XKR9: variants seen among roughly 807,000 people sequenced by gnomAD.
The protein encoded by XKR9 is XK related 9.
A neutral mutation model predicts 32.0 loss-of-function variants in XKR9; 32 were observed. That is an observed-to-expected ratio of 1.00 (90% CI 0.76 to 1.34). The LOEUF (loss-of-function observed/expected upper bound fraction) is 1.34. Ranked by LOEUF, XKR9 falls within the 40% of genes most tolerant of loss-of-function variation. The pLI is 0.00. For missense variants in XKR9, 546 were observed against 429.7 expected, an observed-to-expected ratio of 1.27 and a Z score of -2.39; for synonymous variants, 168 against 143.4, an observed-to-expected ratio of 1.17 and a Z score of -1.22.
chr8:70,871,015 C>G, the XKR9 span, among the ~76,000 whole-genome samples: 1 of 152,110 alleles, frequency 6.6e-6, no homozygotes, highest in Non-Finnish European at 1.5e-5. Context: ...GTTATATTCT[C>G]CAGAATTGTA....
At chr8:70,746,788 CAGG>C (rs1049494776) in intron 2 of XKR9, among the ~76,000 whole-genome samples, 35 of 150,912 alleles carry the variant, frequency 2.3e-4, no homozygotes, top group African/African-American at 8.3e-4. Flanking sequence ...TTTTCAGATT[CAGG>C]AGTATATGTG....
intron 4 of XKR9, among the ~76,000 whole-genome samples, chr8:70,707,718 A>G (rs1805769297): frequency 6.6e-6 from 1 of 152,084 alleles, no homozygotes; most frequent in South Asian, 2.1e-4. Context: ...AAGTGGAATT[A>G]CTGGGTAAGA....
chr8:70,709,757 C>G (rs938220096), intron 4 of XKR9, among the ~76,000 whole-genome samples: 16 of 152,082 alleles, frequency 1.1e-4, no homozygotes, highest in African/African-American at 3.6e-4. Flanking sequence ...GGTGAAAGAT[C>G]TGTACAATGA....
At chr8:70,741,521 G>A (rs571014086) in intron 2 of XKR9, among the ~76,000 whole-genome samples, 4 of 152,292 alleles carry the variant, frequency 2.6e-5, no homozygotes, top group Admixed American at 6.5e-5. Flanking sequence ...GGCTTAGTTC[G>A]TTGAGCATAA....
At chr8:71,046,673 G>A in the XKR9 span, among the ~76,000 whole-genome samples, 2 of 152,134 alleles carry the variant, frequency 1.3e-5, no homozygotes. Context: ...TTTTTTCTTA[G>A]AGCAAACTGA....
chr8:71,058,850 A>G, the XKR9 span, among the ~76,000 whole-genome samples: 1 of 152,176 alleles, frequency 6.6e-6, no homozygotes, highest in Non-Finnish European at 1.5e-5. Flanking sequence ...AGAGCTGCAG[A>G]AAAGTGAAAT....
At chr8:70,710,905 A>G (rs1052590696) in intron 4 of XKR9, among the ~76,000 whole-genome samples, 4 of 152,190 alleles carry the variant, frequency 2.6e-5, no homozygotes, top group Non-Finnish European at 5.9e-5. Flanking sequence ...CAAAATCTAG[A>G]ATCTATAAGG....
the XKR9 span, among the ~76,000 whole-genome samples, chr8:70,852,957 A>G: frequency 6.6e-6 from 1 of 152,138 alleles, no homozygotes; most frequent in African/African-American, 2.4e-5. Flanking sequence ...CTATGTAACA[A>G]ACCTGCACAT....
intron 3 of XKR9, among the ~76,000 whole-genome samples, chr8:70,698,663 T>C (rs796999144): frequency 0.059 from 9,039 of 152,126 alleles, 414 homozygotes; most frequent in Non-Finnish European, 0.089. Context: ...TATATTCTGT[T>C]GATTTGGGGT....
At chr8:70,704,951 T>A (rs1213414530) in intron 3 of XKR9, among the ~76,000 whole-genome samples, 1 of 152,186 alleles carries the variant, frequency 6.6e-6, no homozygotes, top group East Asian at 1.9e-4. Flanking sequence ...TTTATAGGCT[T>A]GGCCCTCCCA....
the XKR9 span, among the ~76,000 whole-genome samples, chr8:70,944,439 G>A: frequency 5.3e-5 from 8 of 152,318 alleles, no homozygotes; most frequent in African/African-American, 9.6e-5. Context: ...AAAGTTATGA[G>A]GGGAAAAATT....
chr8:70,690,243 C>G (rs1406002274), intron 3 of XKR9, among the ~76,000 whole-genome samples: 1 of 151,968 alleles, frequency 6.6e-6, no homozygotes, highest in Non-Finnish European at 1.5e-5. Flanking sequence ...CTTTTCTGTT[C>G]CTCTCCCTCC....
the XKR9 span, among the ~76,000 whole-genome samples, chr8:70,854,107 C>A: frequency 1.3e-5 from 2 of 152,212 alleles, no homozygotes; most frequent in Non-Finnish European, 2.9e-5. Context: ...GCCACACTGA[C>A]TTCCACAATG....
At chr8:70,822,873 C>T in the XKR9 span, among the ~76,000 whole-genome samples, 2 of 152,056 alleles carry the variant, frequency 1.3e-5, no homozygotes, top group Admixed American at 1.3e-4. Flanking sequence ...ATCAGATAAA[C>T]AGAGACTGAA....
chr8:70,809,716 A>G, the XKR9 span, among the ~76,000 whole-genome samples: 1 of 152,252 alleles, frequency 6.6e-6, no homozygotes, highest in African/African-American at 2.4e-5. Flanking sequence ...CAAATGAATG[A>G]AATGAAGTGA....
chr8:70,865,867 G>A, the XKR9 span, among the ~76,000 whole-genome samples: 1 of 152,214 alleles, frequency 6.6e-6, no homozygotes, highest in South Asian at 2.1e-4. Flanking sequence ...CAGCTATGGA[G>A]TGTGAGAAAA....
At chr8:70,816,360 AAT>A in the XKR9 span, among the ~76,000 whole-genome samples, 1 of 152,178 alleles carries the variant, frequency 6.6e-6, no homozygotes, top group African/African-American at 2.4e-5. Context: ...TAAAAATTGA[AAT>A]ATCATTTGAT....
intron 3 of XKR9, among the ~76,000 whole-genome samples, chr8:70,702,040 A>G (rs960418450): frequency 3.9e-5 from 6 of 152,136 alleles, no homozygotes; most frequent in African/African-American, 1.2e-4. Flanking sequence ...TGGGAGTTGA[A>G]TCTCCCTCCT....
At chr8:70,855,138 G>A in the XKR9 span, among the ~76,000 whole-genome samples, 1 of 152,196 alleles carries the variant, frequency 6.6e-6, no homozygotes, top group East Asian at 1.9e-4. Context: ...GAATGACTTT[G>A]ACGAGTTGAG....
Sources: allele counts gnomAD v4.1 joint callset (sites outside exome capture counted in the v4.1 genomes callset), GRCh38; gene constraint gnomAD v4.1.1; transcripts MANE v1.5; gene names NCBI Gene and HGNC (gene_info 2026-07-23, HGNC 2026-07-21).